The following SLC35F3 variants were observed in gnomAD, a reference collection of about 807,000 sequenced individuals.
The protein encoded by SLC35F3 is putative thiamine transporter SLC35F3.
In SLC35F3, 25 loss-of-function variants were observed where a neutral mutation model predicts 49.9. The ratio of observed to expected loss-of-function variants is 0.50; its 90% CI spans 0.37 to 0.70. The LOEUF is 0.70. Among genes scored for constraint, SLC35F3 ranks in the 30% least tolerant of loss-of-function variants. The pLI, the probability that SLC35F3 is intolerant of heterozygous loss-of-function variation, is 0.00. For synonymous variants in SLC35F3, 275 were observed against 265.4 expected (o/e 1.04, Z -0.35); for missense variants, 525 against 639.8 (o/e 0.82, Z 1.94).
rs1365227735 is a variant in SLC35F3 at position 234,027,596 on chromosome 1, G to A, written c.283+121838G>A. Among the ~76,000 whole-genome samples the A allele has an allele frequency of 1.3e-5, 2 of 152,152 alleles. No homozygotes were observed. Among genetic ancestry groups the A allele is most frequent in the African/African-American group, 4.8e-5 (2 of 41,432 alleles). Reference sequence around the variant, plus strand: ...TCTCTGATCTAAGCAAGACAAAAACGAGGGCCTAAACTAAGCTGGTCACAG... The same window carrying A: ...TCTCTGATCTAAGCAAGACAAAAACAAGGGCCTAAACTAAGCTGGTCACAG... On this transcript the variant is annotated intron_variant, in intron 2 of 7. Transcript: ENST00000366618. The surrounding 1 kb of genome is among the most constrained non-coding windows in gnomAD (Gnocchi z 4.1).
chr1:233,939,394 G>A (rs1208590978), intron 2 of SLC35F3, among the ~76,000 whole-genome samples: 1 of 152,198 alleles, frequency 6.6e-6, no homozygotes, highest in African/African-American at 2.4e-5. Context: ...GATTGAGGCT[G>A]CAGTGAGCTG....
intron 2 of SLC35F3, among the ~76,000 whole-genome samples, chr1:234,009,917 C>G (rs1287029301): frequency 6.6e-6 from 1 of 152,136 alleles, no homozygotes; most frequent in Non-Finnish European, 1.5e-5. Flanking sequence ...CTTCCCCAGA[C>G]AAACAAAAGC....
At chr1:233,943,847 G>A (rs1662470085) in intron 2 of SLC35F3, among the ~76,000 whole-genome samples, 1 of 152,210 alleles carries the variant, frequency 6.6e-6, no homozygotes, top group Non-Finnish European at 1.5e-5. Flanking sequence ...GAGGTTTAAG[G>A]AAATAATCAG....
intron 3 of SLC35F3, among the ~76,000 whole-genome samples, chr1:234,251,165 C>G (rs1396663327): frequency 2.0e-5 from 3 of 152,056 alleles, no homozygotes; most frequent in Non-Finnish European, 2.9e-5. Flanking sequence ...CTTTGGTCCT[C>G]TAATAAATTT....
At chr1:233,912,344 G>A (rs1016881535) in intron 2 of SLC35F3, among the ~76,000 whole-genome samples, 7 of 152,130 alleles carry the variant, frequency 4.6e-5, no homozygotes, top group Non-Finnish European at 7.3e-5. Flanking sequence ...CCGGCATGGT[G>A]GTGGGCACCT....
At chr1:234,319,319 T>TATC (rs1553264640) in intron 6 of SLC35F3, among the ~76,000 whole-genome samples, 1 of 152,108 alleles carries the variant, frequency 6.6e-6, no homozygotes, top group Non-Finnish European at 1.5e-5. Flanking sequence ...TTATTATTAA[T>TATC]ATCATCATCA....
chr1:234,011,853 C>G (rs1030029780), intron 2 of SLC35F3, among the ~76,000 whole-genome samples: 1 of 152,106 alleles, frequency 6.6e-6, no homozygotes, highest in Non-Finnish European at 1.5e-5. Flanking sequence ...AATATCTCAT[C>G]AGGTGGGATG....
At chr1:233,932,135 G>A (rs774023087) in intron 2 of SLC35F3, among the ~76,000 whole-genome samples, 10 of 152,094 alleles carry the variant, frequency 6.6e-5, no homozygotes, top group African/African-American at 1.2e-4. Context: ...ATCACACACC[G>A]GGGCCTGTCT....
chr1:234,303,724 C>T (rs986583065), intron 3 of SLC35F3, among the ~76,000 whole-genome samples: 3 of 152,114 alleles, frequency 2.0e-5, no homozygotes, highest in Non-Finnish European at 4.4e-5. Context: ...TTACAATTTC[C>T]TATTTCTTGA....
At chr1:234,103,794 C>G (rs1307012965) in intron 2 of SLC35F3, among the ~76,000 whole-genome samples, 3 of 152,182 alleles carry the variant, frequency 2.0e-5, no homozygotes, top group African/African-American at 7.2e-5. Context: ...TACTTCCCCA[C>G]TCATTGACTT....
Position 234,231,786 on chromosome 1 carries a change from C to T in SLC35F3, c.608+45C>T, listed in dbSNP as rs987637260. 12 of 1,542,534 alleles carry T rather than the reference C, an allele frequency of 7.8e-6. No individual in the cohort carries two copies. The highest frequency in any genetic ancestry group is 1.4e-5 in the African/African-American group (1 of 73,366). Reference sequence around the variant, plus strand: ...GGAGGCCTCCTGACCCCGGGCTGCTCCATCCAGCGCTGACTCTGCAGAGCT... The same window carrying T: ...GGAGGCCTCCTGACCCCGGGCTGCTTCATCCAGCGCTGACTCTGCAGAGCT... On this transcript the variant is annotated intron_variant, in intron 3 of 7. Coordinates refer to ENST00000366618, the MANE Select transcript of SLC35F3 (RefSeq NM_173508.4). The surrounding 1 kb of genome is among the most constrained non-coding windows in gnomAD (Gnocchi z 5.4).
intron 2 of SLC35F3, among the ~76,000 whole-genome samples, chr1:234,120,574 G>C (rs572053465): frequency 6.6e-6 from 1 of 152,354 alleles, no homozygotes; most frequent in Admixed American, 6.5e-5. Flanking sequence ...AAGTAGCCAA[G>C]TTACTGTGTA....
chr1:234,314,812 G>A (rs748210056), intron 4 of SLC35F3, among the ~76,000 whole-genome samples: 1 of 152,170 alleles, frequency 6.6e-6, no homozygotes, highest in Non-Finnish European at 1.5e-5. Flanking sequence ...GATGCACCAA[G>A]CATCTGGAAT....
At chr1:234,194,610 T>C (rs779523503) in intron 2 of SLC35F3, among the ~76,000 whole-genome samples, 27 of 144,030 alleles carry the variant, frequency 1.9e-4, no homozygotes, top group Non-Finnish European at 3.1e-4. Flanking sequence ...TTTTAAAAAA[T>C]TAATGCAATA....
chr1:234,233,636 T>C (rs970807199), intron 3 of SLC35F3, among the ~76,000 whole-genome samples: 1 of 152,236 alleles, frequency 6.6e-6, no homozygotes, highest in Non-Finnish European at 1.5e-5. Context: ...AGATTAGTTA[T>C]ACATAGAAAA....
chr1:234,035,629 TTTCTGTTTCC>T (rs985710067), intron 2 of SLC35F3, among the ~76,000 whole-genome samples: 5 of 152,310 alleles, frequency 3.3e-5, no homozygotes, highest in South Asian at 4.1e-4. Flanking sequence ...TATCTTTGCT[TTTCTGTTTCC>T]TTCTGTTTCC....
intron 3 of SLC35F3, among the ~76,000 whole-genome samples, chr1:234,307,397 T>C (rs920880933): frequency 1.3e-5 from 2 of 152,226 alleles, no homozygotes; most frequent in Non-Finnish European, 2.9e-5. Flanking sequence ...CCTCTCTCAA[T>C]ATCCCAGGCT....
chr1:234,132,677 T>G (rs1473590602), intron 2 of SLC35F3, among the ~76,000 whole-genome samples: 1 of 152,222 alleles, frequency 6.6e-6, no homozygotes, highest in East Asian at 1.9e-4. Flanking sequence ...ATTTGCTGAT[T>G]TTTATTGCAG....
At chr1:234,095,189 A>G (rs1426556663) in intron 2 of SLC35F3, among the ~76,000 whole-genome samples, 1 of 152,214 alleles carries the variant, frequency 6.6e-6, no homozygotes, top group African/African-American at 2.4e-5. Context: ...TAGGCCTAGG[A>G]AACTATCTAG....
Sources: gnomAD v4.1 joint callset for allele counts (sites outside exome capture counted in the v4.1 genomes callset) on GRCh38, gnomAD v4.1.1 for gene constraint, Gnocchi (gnomAD v3.1) non-coding constraint, MANE v1.5 for transcripts, NCBI Gene and HGNC (gene_info 2026-07-23, HGNC 2026-07-21) for gene names.